ZNF600: variants seen among roughly 807,000 people sequenced by gnomAD.
The protein encoded by ZNF600 is zinc finger protein KR-ZNF1.
Under a neutral mutation model 7.3 loss-of-function variants are expected in ZNF600, and 4 were observed. That is an observed-to-expected ratio of 0.55 (90% confidence interval 0.27 to 1.25). The LOEUF (loss-of-function observed/expected upper bound fraction) is 1.25, where lower values mean the gene tolerates loss of function less well. Ranked by LOEUF, ZNF600 falls within the 50% of genes most tolerant of loss-of-function variation. ZNF600 has a pLI of 0.12. For missense variants in ZNF600, 911 were observed against 922.1 expected, an observed-to-expected ratio of 0.99 and a Z score of 0.16; for synonymous variants, 290 against 308.9, an observed-to-expected ratio of 0.94 and a Z score of 0.64.
At chr19:52,775,239 C>CA (rs921602363) in intron 2 of ZNF600, among the ~76,000 whole-genome samples, 20 of 149,728 alleles carry the variant, frequency 1.3e-4, no homozygotes, top group African/African-American at 4.7e-4. Context: ...CACTCCATCT[C>CA]AAAAAACAAA....
the ZNF600 span, among the ~76,000 whole-genome samples, chr19:52,811,733 C>A: frequency 1.3e-5 from 2 of 149,730 alleles, no homozygotes; most frequent in Admixed American, 1.3e-4. Context: ...CGTCTCCGCC[C>A]GGCAGCCGCC....
upstream of ZNF600, among the ~76,000 whole-genome samples, chr19:52,787,410 T>G (rs2062773968): frequency 7.1e-6 from 1 of 141,698 alleles, no homozygotes; most frequent in Admixed American, 6.9e-5. Context: ...ACTTTTTTTT[T>G]TTTTTTTTTT....
At chr19:52,811,567 G>A in the ZNF600 span, among the ~76,000 whole-genome samples, 1 of 148,164 alleles carries the variant, frequency 6.7e-6, no homozygotes, top group African/African-American at 2.5e-5. Context: ...TGTGAGGAGC[G>A]CCTCTGCTGG....
exon 4 of ZNF600, chr19:52,767,639 T>G: frequency 6.2e-7 from 1 of 1,614,106 alleles, no homozygotes; most frequent in Non-Finnish European, 8.5e-7. Context: ...CATGAATTTC[T>G]TTCTCAATTT....
the ZNF600 span, among the ~76,000 whole-genome samples, chr19:52,808,634 A>G: frequency 2.6e-5 from 4 of 151,682 alleles, no homozygotes; most frequent in Admixed American, 6.6e-5. Context: ...CATCTCAAAA[A>G]AAAAAAAATT....
chr19:52,815,089 GTA>G, the ZNF600 span, among the ~76,000 whole-genome samples: 1 of 92,714 alleles, frequency 1.1e-5, no homozygotes, highest in Non-Finnish European at 2.5e-5. Context: ...GTATGTGTGT[GTA>G]TATATATATT....
chr19:52,784,017 A>G (rs2062744861), intron 1 of ZNF600, among the ~76,000 whole-genome samples: 1 of 152,184 alleles, frequency 6.6e-6, no homozygotes, highest in African/African-American at 2.4e-5. Flanking sequence ...AGAGATAGTC[A>G]TTAGCCAAGA....
At chr19:52,772,113 G>C (rs1390743633) in intron 3 of ZNF600, among the ~76,000 whole-genome samples, 1 of 152,180 alleles carries the variant, frequency 6.6e-6, no homozygotes, top group Non-Finnish European at 1.5e-5. Context: ...GGGAGTTTGA[G>C]ACCAGCCTGA....
At chr19:52,804,065 G>A in the ZNF600 span, among the ~76,000 whole-genome samples, 1 of 152,274 alleles carries the variant, frequency 6.6e-6, no homozygotes, top group Admixed American at 6.5e-5. Flanking sequence ...ATTTAGCATG[G>A]GTGTCGACTA....
chr19:52,772,577 T>C (rs915047029), intron 3 of ZNF600, among the ~76,000 whole-genome samples: 55 of 152,166 alleles, frequency 3.6e-4, no homozygotes, highest in Admixed American at 1.0e-3. Context: ...CACTTAAGCC[T>C]GGGCAACAGG....
chr19:52,788,183 A>C (rs148455991), upstream of ZNF600, among the ~76,000 whole-genome samples: 19 of 152,308 alleles, frequency 1.2e-4, no homozygotes, highest in East Asian at 3.7e-3. Flanking sequence ...ATGGAATTTA[A>C]GTGAAGATGA....
intron 3 of ZNF600, among the ~76,000 whole-genome samples, chr19:52,773,870 A>G (rs1008312809): frequency 6.9e-6 from 1 of 143,918 alleles, no homozygotes; most frequent in African/African-American, 2.5e-5. Context: ...TACTCCATCT[A>G]AAAAAAAAAA....
intron 3 of ZNF600, among the ~76,000 whole-genome samples, chr19:52,768,331 T>C (rs986848421): frequency 1.3e-5 from 2 of 149,496 alleles, no homozygotes; most frequent in Admixed American, 1.3e-4. Flanking sequence ...TCACAGCAAC[T>C]TGGGAGGCTG....
chr19:52,782,003 G>A (rs968830582), intron 1 of ZNF600, among the ~76,000 whole-genome samples: 1 of 151,838 alleles, frequency 6.6e-6, no homozygotes, highest in Middle Eastern at 3.4e-3. Flanking sequence ...GGAGTTTGCA[G>A]TGAGACGAGA....
the ZNF600 span, among the ~76,000 whole-genome samples, chr19:52,803,975 A>G: frequency 6.6e-6 from 1 of 152,158 alleles, no homozygotes; most frequent in African/African-American, 2.4e-5. Flanking sequence ...AAAATAAGAT[A>G]AATAACTACT....
the ZNF600 span, among the ~76,000 whole-genome samples, chr19:52,807,662 A>T: frequency 1.3e-5 from 2 of 152,180 alleles, no homozygotes; most frequent in African/African-American, 4.8e-5. Flanking sequence ...TTTAGTACAG[A>T]CAGGGTTTCT....
the ZNF600 span, among the ~76,000 whole-genome samples, chr19:52,801,875 TG>T: frequency 6.6e-6 from 1 of 152,214 alleles, no homozygotes; most frequent in Non-Finnish European, 1.5e-5. Flanking sequence ...GGCGATTATA[TG>T]TCTTTCAAAT....
intron 1 of ZNF600, among the ~76,000 whole-genome samples, chr19:52,782,861 A>G (rs1406884676): frequency 2.0e-5 from 3 of 152,126 alleles, no homozygotes; most frequent in Admixed American, 6.6e-5. Flanking sequence ...CATGACAGAG[A>G]AAGACTCCAT....
the ZNF600 span, among the ~76,000 whole-genome samples, chr19:52,829,012 C>T: frequency 9.2e-5 from 14 of 152,198 alleles, no homozygotes; most frequent in Admixed American, 6.5e-4. Flanking sequence ...AGGCGCCTGC[C>T]ACCACGCCTG....
Sources: gnomAD v4.1 joint callset for allele counts (sites outside exome capture counted in the v4.1 genomes callset) on GRCh38, gnomAD v4.1.1 for gene constraint, MANE v1.5 for transcripts, NCBI Gene and HGNC (gene_info 2026-07-23, HGNC 2026-07-21) for gene names.